Variants in DNAJC10 observed in about 807,000 individuals in gnomAD.
DNAJC10 encodes the protein DnaJ heat shock protein family (Hsp40) member C10.
A neutral mutation model predicts 115.0 loss-of-function variants in DNAJC10; 101 were observed. The observed-to-expected ratio is 0.88, with a 90% confidence interval of 0.75 to 1.04. The LOEUF is 1.04. DNAJC10 is among the 50% of genes least tolerant of loss of function. The pLI is 0.00. For missense variants in DNAJC10, 981 were observed against 928.8 expected (o/e 1.06, Z -0.73); for synonymous variants, 307 against 301.5 (o/e 1.02, Z -0.19).
chr2:182,730,903 A>G, intron 8 of DNAJC10, 127 bp from the exon 9 acceptor site: 1 of 588,986 alleles, frequency 1.7e-6, no homozygotes, highest in Non-Finnish European at 3.0e-6. Context: ...TTGGAAAGAT[A>G]ACTGGTAAAA....
chr2:182,785,977 A>G lies in DNAJC10; in HGVS notation c.*8845A>G, dbSNP rs1694938879. ...CCAGGATCTGAGAGAAACCAAAAAA[A>G]AGTGGGGAGATAATAATCCAGGGAC... On this transcript the variant is annotated 3_prime_UTR_variant, in exon 24 of 24. Transcript: ENST00000264065. 1 of 152,146 alleles carries G rather than the reference A, an allele frequency of 6.6e-6. No individual in the cohort carries two copies. Among genetic ancestry groups the G allele is most frequent in the African/African-American group, 2.4e-5 (1 of 41,442 alleles). The allele number at this position is 152,146 out of a possible 1,614,324, so 9.4% of individuals were successfully genotyped here. A position where few individuals can be genotyped will look rare whatever the true frequency, so the allele number is the denominator to read the frequency against.
intron 22 of DNAJC10, among the ~76,000 whole-genome samples, chr2:182,767,625 G>A (rs1694447317): frequency 6.6e-6 from 1 of 152,050 alleles, no homozygotes; most frequent in African/African-American, 2.4e-5. Context: ...TGCAGTGAAT[G>A]CCAAGAATGA....
At chr2:182,720,845 T>C (rs576655763) in intron 4 of DNAJC10, among the ~76,000 whole-genome samples, 24 of 152,110 alleles carry the variant, frequency 1.6e-4, no homozygotes, top group Non-Finnish European at 2.8e-4. Flanking sequence ...AAACTTCAAG[T>C]TTAGTAATGA....
At chr2:182,769,068 A>C (rs546986937) in intron 22 of DNAJC10, among the ~76,000 whole-genome samples, 10 of 152,108 alleles carry the variant, frequency 6.6e-5, no homozygotes, top group Non-Finnish European at 1.2e-4. Context: ...GAGTGAGAAC[A>C]TGAGATGTTT....
intron 23 of DNAJC10, among the ~76,000 whole-genome samples, chr2:182,775,747 G>T (rs1426056690): frequency 6.6e-6 from 1 of 152,122 alleles, no homozygotes; most frequent in Non-Finnish European, 1.5e-5. Context: ...ATGAAATGTG[G>T]TGTATCCATT....
intron 14 of DNAJC10, among the ~76,000 whole-genome samples, chr2:182,744,643 G>A (rs1693817017): frequency 6.6e-6 from 1 of 152,048 alleles, no homozygotes; most frequent in South Asian, 2.1e-4. Context: ...CTGTCTCCAA[G>A]TCAGACATTC....
At chr2:182,750,283 G>T (rs1363698271) in intron 14 of DNAJC10, among the ~76,000 whole-genome samples, 2 of 152,188 alleles carry the variant, frequency 1.3e-5, no homozygotes, top group South Asian at 4.1e-4. Flanking sequence ...ACTGGGTGAA[G>T]AAACACTAGC....
intron 9 of DNAJC10, among the ~76,000 whole-genome samples, chr2:182,732,287 T>C (rs1693467001): frequency 6.6e-6 from 1 of 151,294 alleles, no homozygotes; most frequent in African/African-American, 2.4e-5. Flanking sequence ...AGGGAGAGAA[T>C]GAAAGAAAGA....
chr2:182,730,593 A>G, intron 8 of DNAJC10: 1 of 450,212 alleles, frequency 2.2e-6, no homozygotes, highest in South Asian at 1.6e-5. Flanking sequence ...AAAGAGTTAG[A>G]AAATACTTCT....
chr2:182,722,212 A>G (rs1478498245), intron 5 of DNAJC10, 137 bp downstream of exon 5: 1 of 578,160 alleles, frequency 1.7e-6, no homozygotes, highest in Admixed American at 3.2e-5. Flanking sequence ...TGTATCTTAA[A>G]TATTTCTAGC....
chr2:182,769,877 G>C (rs947721613), intron 22 of DNAJC10, among the ~76,000 whole-genome samples: 2 of 152,094 alleles, frequency 1.3e-5, no homozygotes, highest in African/African-American at 2.4e-5. Flanking sequence ...TGGTGTTTTC[G>C]TCATGAAGTC....
At position 182,788,170 on chromosome 2, in the gene DNAJC10, A is replaced by G. The variant is rs1469921551; in HGVS notation, c.*11038A>G. 1 of 154,046 alleles carries G rather than the reference A, an allele frequency of 6.5e-6. No individual in the cohort carries two copies. Among genetic ancestry groups the G allele is most frequent in the African/African-American group, 2.4e-5 (1 of 41,440 alleles). 9.5% of individuals were successfully genotyped at this position (154,046 alleles called of 1,614,324 possible). A position where few individuals can be genotyped will look rare whatever the true frequency, so the allele number is the denominator to read the frequency against. On this transcript the variant is annotated 3_prime_UTR_variant, in exon 24 of 24. Coordinates refer to ENST00000264065, the MANE Select transcript of DNAJC10 (RefSeq NM_018981.4). Reference sequence around the variant, plus strand: ...TGAGGTGGTGACCCGAGAATATGCCATCAGCGTCCACAAGCCCATCCATGG... The same window carrying G: ...TGAGGTGGTGACCCGAGAATATGCCGTCAGCGTCCACAAGCCCATCCATGG...
intron 14 of DNAJC10, among the ~76,000 whole-genome samples, chr2:182,746,125 C>G (rs1693859109): frequency 1.3e-5 from 2 of 152,160 alleles, no homozygotes; most frequent in Admixed American, 6.6e-5. Context: ...TTTTCTTAAT[C>G]CAGTCTATCA....
chr2:182,736,283 C>T lies in DNAJC10; in HGVS notation c.884C>T (p.Ala295Val), dbSNP rs1244554962. Residue 295 changes from alanine (A) to valine (V), a missense_variant, in exon 11 of 24, where the codon GCC becomes GTC. Physicochemically the swap from Ala to Val is moderately conservative, Grantham distance 64 (BLOSUM62 0). Coordinates refer to ENST00000264065, the MANE Select transcript of DNAJC10 (RefSeq NM_018981.4). ...GTTAATGTAGGATGGATGGACTGTG[C>T]CACCCAGGATAACCTTTGTAAAAGC... ...GLVNVGWMDC[A>V]TQDNLCKSLD... is the part of the protein sequence containing the mutation. 2 of 1,588,584 alleles carry T rather than the reference C, an allele frequency of 1.3e-6. No homozygotes were observed. The highest frequency in any genetic ancestry group is 1.7e-6 in the Non-Finnish European group (2 of 1,170,870).
intron 13 of DNAJC10, among the ~76,000 whole-genome samples, chr2:182,742,213 G>T (rs1192233552): frequency 6.6e-6 from 1 of 152,078 alleles, no homozygotes; most frequent in East Asian, 1.9e-4. Flanking sequence ...TTGAGACAGA[G>T]TCATTCTGTC....
intron 9 of DNAJC10, among the ~76,000 whole-genome samples, chr2:182,732,065 CT>C (rs1259605075): frequency 1.3e-5 from 2 of 152,024 alleles, no homozygotes; most frequent in African/African-American, 2.4e-5. Flanking sequence ...ATTTGCAGAA[CT>C]TTCATAAAAA....
At chr2:182,722,727 G>C (rs1020288750) in intron 5 of DNAJC10, among the ~76,000 whole-genome samples, 8 of 152,092 alleles carry the variant, frequency 5.3e-5, no homozygotes, top group African/African-American at 1.9e-4. Context: ...GATCGCTTGA[G>C]ATCAGGAGTT....
intron 11 of DNAJC10, among the ~76,000 whole-genome samples, chr2:182,736,877 G>A (rs977494954): frequency 1.6e-4 from 25 of 152,254 alleles, no homozygotes; most frequent in Middle Eastern, 6.8e-3. Context: ...AGCCTCCTGA[G>A]TACCTGGGAT....
At chr2:182,754,772 C>T in intron 16 of DNAJC10, 2 of 1,252,624 alleles carry the variant, frequency 1.6e-6, no homozygotes, top group Non-Finnish European at 2.0e-6. Flanking sequence ...CTATGGTTCT[C>T]ATGGCGAATG....
Sources: gnomAD v4.1 joint callset for allele counts (sites outside exome capture counted in the v4.1 genomes callset) on GRCh38, gnomAD v4.1.1 for gene constraint, MANE v1.5 for transcripts, NCBI Gene and HGNC (gene_info 2026-07-23, HGNC 2026-07-21) for gene names.